The following ZBED6 variants were observed in gnomAD, a reference collection of about 807,000 sequenced individuals.
ZBED6 encodes the protein zinc finger BED domain-containing protein 6.
In ZBED6, 40 loss-of-function variants were observed where a neutral mutation model predicts 58.4. The observed-to-expected ratio is 0.68, with a 90% CI of 0.53 to 0.89. The LOEUF is 0.89. Ranked by LOEUF, ZBED6 falls within the 40% of genes least tolerant of loss-of-function variation. The probability of loss-of-function intolerance (pLI) is 0.00; values close to 1 mark genes in which losing one functional copy is unlikely to be tolerated. For missense variants in ZBED6, 1,057 were observed against 1,003.9 expected, an observed-to-expected ratio of 1.05 and a Z score of -0.71; for synonymous variants, 439 against 350.6, an observed-to-expected ratio of 1.25 and a Z score of -2.82.
At chr1:203,804,674 CT>C (rs35042121) in intron 1 of ZBED6, among the ~76,000 whole-genome samples, 25,804 of 137,376 alleles carry the variant, frequency 0.19, 2,457 homozygotes, top group East Asian at 0.4. Context: ...TTTGCCTCAT[CT>C]TTTTTTTTTT....
At chr1:203,822,865 C>T (rs1272718419) in intron 3 of ZBED6, among the ~76,000 whole-genome samples, 1 of 152,144 alleles carries the variant, frequency 6.6e-6, no homozygotes, top group Non-Finnish European at 1.5e-5. Context: ...CATCTGAATG[C>T]CTGTCTCCCT....
intron 1 of ZBED6, among the ~76,000 whole-genome samples, chr1:203,806,831 T>TC (rs1491161718): frequency 5.3e-4 from 1 of 1,870 alleles, no homozygotes; most frequent in African/African-American, 1.6e-3. Context: ...CTCAGGTTCC[T>TC]TTTTTTTTTT....
At chr1:203,826,812 C>T (rs554085497) in intron 3 of ZBED6, among the ~76,000 whole-genome samples, 2 of 152,138 alleles carry the variant, frequency 1.3e-5, no homozygotes, top group South Asian at 2.1e-4. Context: ...CTTTTTTCCC[C>T]CTTTTTTGAA....
exon 1 of ZBED6, chr1:203,799,669 T>C (rs1220653939): frequency 2.8e-6 from 2 of 705,792 alleles, no homozygotes; most frequent in East Asian, 2.7e-5. Context: ...CTACCCCTAA[T>C]CCATCATCTA....
At chr1:203,847,512 G>A in exon 12 of ZBED6, 1 of 1,613,936 alleles carries the variant, frequency 6.2e-7, no homozygotes, top group South Asian at 1.1e-5. Context: ...GACAATCAGA[G>A]GAGCCTGCAG....
chr1:203,799,665 CT>C lies in ZBED6; in HGVS notation c.2144del (p.Leu715GlnfsTer33), dbSNP rs1260574935. On this transcript the variant is annotated frameshift_variant, in exon 1 of 17. Transcript: ENST00000550078. LOFTEE classifies it high-confidence loss of function. Reference sequence around the variant, plus strand: ...CGCAGGATTGAATCAGGTGCTACCCCTAATCCATCATCTACTCCTTTCCCTG... The same window carrying C: ...CGCAGGATTGAATCAGGTGCTACCCCAATCCATCATCTACTCCTTTCCCTG... 1.4e-6 allele frequency: 1 copy of C among 705,366 alleles called. No individual in the cohort carries two copies. The highest frequency in any genetic ancestry group is 1.7e-5 in the African/African-American group (1 of 57,290). The allele number at this position is 705,366 out of a possible 1,614,324, so 43.7% of individuals were successfully genotyped here. A position where few individuals can be genotyped will look rare whatever the true frequency, so the allele number is the denominator to read the frequency against.
At chr1:203,821,698 G>T (rs1481678564) in intron 3 of ZBED6, among the ~76,000 whole-genome samples, 1 of 152,140 alleles carries the variant, frequency 6.6e-6, no homozygotes, top group Non-Finnish European at 1.5e-5. Flanking sequence ...TCAGTGGACA[G>T]AGCTGAGGAA....
chr1:203,805,682 C>G, intron 1 of ZBED6: 1 of 675,030 alleles, frequency 1.5e-6, no homozygotes, highest in Non-Finnish European at 2.8e-6. Flanking sequence ...GTTTTTGTGA[C>G]AGTGGGAACA....
At chr1:203,836,458 A>G (rs1281047610) in intron 9 of ZBED6, among the ~76,000 whole-genome samples, 2 of 152,200 alleles carry the variant, frequency 1.3e-5, no homozygotes, top group Admixed American at 1.3e-4. Flanking sequence ...ACAGTGTAAT[A>G]AAACTAGAAG....
intron 1 of ZBED6, among the ~76,000 whole-genome samples, chr1:203,815,378 G>A (rs1442128495): frequency 4.1e-5 from 2 of 48,656 alleles, no homozygotes; most frequent in Non-Finnish European, 7.6e-5. Context: ...ACCACACCCA[G>A]CTTTTTTTTT....
In ZBED6 at chr1:203,797,748, C is replaced by T. The variant is rs934783760; in HGVS notation, c.226C>T (p.Arg76Ter). The T allele has an allele frequency of 2.6e-6, 4 of 1,535,378 alleles. No homozygotes were observed. The South Asian group carries it at 3.6e-5, about 14-fold the overall frequency. The change falls in exon 1 of 17, where the codon CGA becomes TGA. Residue 76 changes from arginine to a stop codon, truncating the protein, a stop_gained. Coordinates refer to ENST00000550078, the Ensembl canonical transcript of ZBED6. LOFTEE classifies it high-confidence loss of function. Reference sequence around the variant, plus strand: ...TTTGCGAATTAAGGGGAAAAGGCGTCGAAAAAAATTGATTCTTGCCAAAAA... The same window carrying T: ...TTTGCGAATTAAGGGGAAAAGGCGTTGAAAAAAATTGATTCTTGCCAAAAA...
At chr1:203,845,565 T>G (rs903593624) in intron 11 of ZBED6, among the ~76,000 whole-genome samples, 2 of 152,270 alleles carry the variant, frequency 1.3e-5, no homozygotes, top group African/African-American at 4.8e-5. Flanking sequence ...TTAAGCTGAA[T>G]TCAGTTGAAA....
exon 1 of ZBED6, chr1:203,799,870 C>G (rs1437461404): frequency 6.5e-7 from 1 of 1,535,272 alleles, no homozygotes; most frequent in African/African-American, 1.4e-5. Context: ...GACTTTTTTC[C>G]TCAAGGTGCT....
intron 1 of ZBED6, among the ~76,000 whole-genome samples, chr1:203,808,969 T>C (rs1370927152): frequency 1.3e-5 from 2 of 149,606 alleles, no homozygotes; most frequent in Non-Finnish European, 3.0e-5. Context: ...TAGCTGGGAT[T>C]ACAGGCATTC....
At chr1:203,843,560 C>A (rs2103322048) in intron 11 of ZBED6, among the ~76,000 whole-genome samples, 1 of 152,264 alleles carries the variant, frequency 6.6e-6, no homozygotes, top group Admixed American at 6.5e-5. Context: ...ACTTTGCAGT[C>A]CACAGTATTG....
At chr1:203,851,606 A>G (rs951045284) in intron 16 of ZBED6, among the ~76,000 whole-genome samples, 2 of 152,306 alleles carry the variant, frequency 1.3e-5, no homozygotes. Context: ...CTGGGATTAC[A>G]GGCATGAGCT....
chr1:203,823,819 C>G (rs750940634), intron 3 of ZBED6, among the ~76,000 whole-genome samples: 4 of 152,172 alleles, frequency 2.6e-5, no homozygotes, highest in Non-Finnish European at 5.9e-5. Flanking sequence ...ACCTAACTAT[C>G]CTTCATTTAA....
At chr1:203,811,168 TGTG>T (rs1258082542) in intron 1 of ZBED6, among the ~76,000 whole-genome samples, 3 of 139,776 alleles carry the variant, frequency 2.1e-5, no homozygotes, top group Admixed American at 7.2e-5. Context: ...AAAAGCCAAG[TGTG>T]GTGGTGGGCA....
intron 11 of ZBED6, among the ~76,000 whole-genome samples, chr1:203,841,712 A>T (rs1412028088): frequency 6.6e-6 from 1 of 151,864 alleles, no homozygotes; most frequent in East Asian, 1.9e-4. Context: ...GGGGCTCCTC[A>T]CTTCCCAGAT....
Sources: allele counts gnomAD v4.1 joint callset (sites outside exome capture counted in the v4.1 genomes callset), GRCh38; gene constraint gnomAD v4.1.1; transcripts MANE v1.5; gene names NCBI Gene and HGNC (gene_info 2026-07-23, HGNC 2026-07-21).